The following FSAF1 variants were observed in gnomAD, a reference collection of about 807,000 sequenced individuals.
FSAF1 encodes uncharacterized protein C1orf131.
the FSAF1 span, chr1:231,240,971 C>A: frequency 6.6e-7 from 1 of 1,518,192 alleles, no homozygotes; most frequent in South Asian, 1.1e-5. The surrounding 1 kb of genome is among the most constrained non-coding windows in gnomAD (Gnocchi z 4.1). Context: ...ACACAGGAGA[C>A]CCACGTTCCT....
At chr1:231,228,072 C>T in the FSAF1 span, among the ~76,000 whole-genome samples, 1 of 152,336 alleles carries the variant, frequency 6.6e-6, no homozygotes, top group Admixed American at 6.5e-5. Flanking sequence ...CCCACTCACA[C>T]TTAGAAACCA....
chr1:231,227,210 A>T, the FSAF1 span: 1 of 848,750 alleles, frequency 1.2e-6, no homozygotes, highest in Non-Finnish European at 1.9e-6. Context: ...TCATGTGGTC[A>T]AAGGAGCTCT....
the FSAF1 span, among the ~76,000 whole-genome samples, chr1:231,231,666 A>G: frequency 3.3e-5 from 5 of 152,334 alleles, no homozygotes; most frequent in Admixed American, 1.3e-4. Flanking sequence ...AGAGGATTTC[A>G]GCACAGTAAT....
At chr1:231,225,998 C>CAAAAAAAAAAAAAAAAAA in the FSAF1 span, 1 of 28,366 alleles carries the variant, frequency 3.5e-5, no homozygotes, top group Non-Finnish European at 6.1e-5. Context: ...ACGTAAAATG[C>CAAAAAAAAAAAAAAAAAA]AAAAAAAAAA....
chr1:231,227,022 C>T, the FSAF1 span: 1 of 1,614,082 alleles, frequency 6.2e-7, no homozygotes, highest in Non-Finnish European at 8.5e-7. Context: ...TCTCTCCTTT[C>T]CTTTTCCATA....
the FSAF1 span, chr1:231,238,232 G>C: frequency 6.6e-6 from 1 of 152,154 alleles, no homozygotes; most frequent in East Asian, 1.9e-4. Context: ...ACCTCCCTTG[G>C]GGACTGAATT....
At chr1:231,235,998 T>A in the FSAF1 span, among the ~76,000 whole-genome samples, 2 of 152,162 alleles carry the variant, frequency 1.3e-5, no homozygotes, top group Non-Finnish European at 2.9e-5. Flanking sequence ...TCTCAAGCAT[T>A]CTCTAAAAAT....
At chr1:231,229,363 G>C in the FSAF1 span, among the ~76,000 whole-genome samples, 1 of 152,170 alleles carries the variant, frequency 6.6e-6, no homozygotes, top group African/African-American at 2.4e-5. Context: ...ACAAGTGTTG[G>C]CAAGGATGTA....
At chr1:231,229,295 C>G in the FSAF1 span, 1 of 923,314 alleles carries the variant, frequency 1.1e-6, no homozygotes, top group South Asian at 1.9e-5. Flanking sequence ...TTTTAAGGAA[C>G]CTGAAAGTGA....
the FSAF1 span, among the ~76,000 whole-genome samples, chr1:231,227,635 C>CTGG: frequency 1.5e-5 from 2 of 133,140 alleles, no homozygotes; most frequent in Non-Finnish European, 3.1e-5. Context: ...GTTGCCCAGG[C>CTGG]TGGAGCACAG....
At chr1:231,224,274 G>A in the FSAF1 span, 1 of 1,607,270 alleles carries the variant, frequency 6.2e-7, no homozygotes, top group East Asian at 2.2e-5. Flanking sequence ...ATTTGACAAA[G>A]TACTTCATTT....
chr1:231,227,176 C>T, the FSAF1 span: 5 of 1,178,682 alleles, frequency 4.2e-6, no homozygotes, highest in Admixed American at 1.9e-5. Context: ...GTAATGACAG[C>T]GTACAGGAAT....
chr1:231,233,565 T>C, the FSAF1 span, among the ~76,000 whole-genome samples: 1 of 152,180 alleles, frequency 6.6e-6, no homozygotes. Context: ...AAAAATTTTT[T>C]TTTTTGAGAC....
chr1:231,240,937 G>A, the FSAF1 span: 5 of 1,209,734 alleles, frequency 4.1e-6, no homozygotes, highest in Non-Finnish European at 6.1e-6. The surrounding 1 kb of genome is among the most constrained non-coding windows in gnomAD (Gnocchi z 4.1). Context: ...TAGCCTCAAA[G>A]CAGAGGCCAA....
the FSAF1 span, among the ~76,000 whole-genome samples, chr1:231,239,867 AAT>A: frequency 6.6e-6 from 1 of 152,266 alleles, no homozygotes; most frequent in South Asian, 2.1e-4. Flanking sequence ...TATAAAAATG[AAT>A]AGACACATTC....
the FSAF1 span, chr1:231,239,245 T>C: frequency 1.0e-4 from 141 of 1,407,622 alleles, no homozygotes; most frequent in Non-Finnish European, 1.3e-4. Context: ...CTATCATCAG[T>C]ATCAAATCCT....
At chr1:231,226,130 A>G in the FSAF1 span, among the ~76,000 whole-genome samples, 1 of 151,808 alleles carries the variant, frequency 6.6e-6, no homozygotes, top group Non-Finnish European at 1.5e-5. Context: ...TGATCCCAAC[A>G]TTAGAGACGG....
the FSAF1 span, chr1:231,227,119 G>T: frequency 6.4e-7 from 1 of 1,560,658 alleles, no homozygotes; most frequent in Non-Finnish European, 8.8e-7. Context: ...CAACTCCAAA[G>T]AAAAAAACAT....
chr1:231,226,958 G>C, the FSAF1 span: 2 of 1,613,712 alleles, frequency 1.2e-6, no homozygotes, highest in African/African-American at 2.7e-5. Flanking sequence ...ATGAAAGGTA[G>C]CAGCAGCCCC....
Sources: gnomAD v4.1 joint callset for allele counts (sites outside exome capture counted in the v4.1 genomes callset) on GRCh38, gnomAD v4.1.1 for gene constraint, Gnocchi (gnomAD v3.1) non-coding constraint, MANE v1.5 for transcripts, NCBI Gene and HGNC (gene_info 2026-07-23, HGNC 2026-07-21) for gene names.